The following COBL variants were observed in gnomAD, a reference collection of about 807,000 sequenced individuals.
The protein encoded by COBL is cordon-bleu WH2 repeat protein.
Under a neutral mutation model 98.8 loss-of-function variants are expected in COBL, and 51 were observed. That is an observed-to-expected ratio of 0.52 (90% confidence interval 0.41 to 0.65). The LOEUF (loss-of-function observed/expected upper bound fraction) is 0.65. Ranked by LOEUF, COBL falls within the 30% of genes least tolerant of loss-of-function variation. The pLI, the probability that COBL is intolerant of heterozygous loss-of-function variation, is 0.00. For missense variants in COBL, 1,617 were observed against 1,617.5 expected, an observed-to-expected ratio of 1.00 and a Z score of 0.01; for synonymous variants, 634 against 651.7, an observed-to-expected ratio of 0.97 and a Z score of 0.41.
At chr7:51,176,726 A>G (rs1223166603) in intron 5 of COBL, among the ~76,000 whole-genome samples, 3 of 152,236 alleles carry the variant, frequency 2.0e-5, no homozygotes, top group African/African-American at 7.2e-5. Flanking sequence ...GTTTGAATCC[A>G]AATGTCCTTT....
intron 1 of COBL, among the ~76,000 whole-genome samples, chr7:51,283,571 G>C (rs1262330506): frequency 6.6e-6 from 1 of 152,100 alleles, no homozygotes; most frequent in African/African-American, 2.4e-5. Context: ...TGCTGCCTGT[G>C]CCTCCTGGGT....
At chr7:51,246,291 G>A (rs1361894531) in intron 1 of COBL, among the ~76,000 whole-genome samples, 1 of 152,174 alleles carries the variant, frequency 6.6e-6, no homozygotes, top group Non-Finnish European at 1.5e-5. Flanking sequence ...TATCCAAGCA[G>A]GAGCTCCATC....
At chr7:51,237,584 T>C (rs1055530949) in intron 1 of COBL, among the ~76,000 whole-genome samples, 9 of 147,208 alleles carry the variant, frequency 6.1e-5, no homozygotes, top group African/African-American at 2.3e-4. Flanking sequence ...GGTGTAGTAA[T>C]ACATATGCCA....
chr7:51,278,858 G>A (rs533950397), intron 1 of COBL, among the ~76,000 whole-genome samples: 2 of 152,332 alleles, frequency 1.3e-5, no homozygotes, highest in South Asian at 2.1e-4. Flanking sequence ...TTTTCCAGAC[G>A]ATTTCAGTTT....
intron 2 of COBL, among the ~76,000 whole-genome samples, chr7:51,203,158 A>T (rs1347232938): frequency 6.6e-6 from 1 of 152,134 alleles, no homozygotes; most frequent in Non-Finnish European, 1.5e-5. Context: ...AAGGAAGTTA[A>T]TAATAAAGAT....
chr7:51,247,747 T>C (rs756255606), intron 1 of COBL, among the ~76,000 whole-genome samples: 2 of 152,128 alleles, frequency 1.3e-5, no homozygotes, highest in African/African-American at 4.8e-5. Flanking sequence ...CCTATTGAAA[T>C]TATCCTAAGG....
At chr7:51,101,799 C>G (rs1795829882) in intron 6 of COBL, among the ~76,000 whole-genome samples, 1 of 152,166 alleles carries the variant, frequency 6.6e-6, no homozygotes, top group African/African-American at 2.4e-5. Context: ...GCCTGATTTC[C>G]AAAGCATGCA....
intron 7 of COBL, chr7:51,083,089 A>T (rs1793828817): frequency 6.5e-7 from 1 of 1,529,706 alleles, no homozygotes; most frequent in Non-Finnish European, 8.7e-7. Flanking sequence ...CCTCGGAACC[A>T]GCGCCTTCCC....
chr7:51,312,142 TG>T (rs1803115713), intron 1 of COBL, among the ~76,000 whole-genome samples: 1 of 151,290 alleles, frequency 6.6e-6, no homozygotes, highest in Admixed American at 6.6e-5. Context: ...GCCAACATGG[TG>T]AAACCTCGTC....
At chr7:51,297,908 T>C (rs1335682988) in intron 1 of COBL, among the ~76,000 whole-genome samples, 1 of 152,184 alleles carries the variant, frequency 6.6e-6, no homozygotes, top group Non-Finnish European at 1.5e-5. Context: ...ATCAAGACCA[T>C]ATTGCCCTAT....
At chr7:51,051,500 T>G (rs773885248) in intron 7 of COBL, among the ~76,000 whole-genome samples, 2 of 152,246 alleles carry the variant, frequency 1.3e-5, no homozygotes, top group Non-Finnish European at 2.9e-5. Flanking sequence ...TTCTATTTCC[T>G]AACTTAACTC....
In COBL at chr7:51,208,204, G is replaced by A. The variant is rs557805498; in HGVS notation, c.245+11537C>T. 2.3e-4 allele frequency among the ~76,000 whole-genome samples: 34 copies of A among 148,082 alleles called. No homozygotes were observed. The South Asian group carries it at 3.2e-3, about 14-fold the overall frequency. On this transcript the variant is annotated intron_variant, in intron 2 of 12. Transcript: ENST00000265136. ...AGACCCTCTGCCTGGCAACCGCCCC[G>A]TCTGAGAAGTGAGGAGCCCCTCCGC...
chr7:51,094,986 G>A (rs934300942), intron 6 of COBL, among the ~76,000 whole-genome samples: 1 of 152,206 alleles, frequency 6.6e-6, no homozygotes, highest in Non-Finnish European at 1.5e-5. Context: ...TAAGCACAAA[G>A]AAAATACCTA....
intron 1 of COBL, among the ~76,000 whole-genome samples, chr7:51,231,315 G>C (rs528044652): frequency 1.1e-4 from 17 of 152,296 alleles, no homozygotes; most frequent in Non-Finnish European, 1.9e-4. Context: ...CTAAAGAGAT[G>C]ATGAATGATC....
intron 3 of COBL, among the ~76,000 whole-genome samples, chr7:51,191,841 G>A (rs183501890): frequency 6.6e-6 from 1 of 152,256 alleles, no homozygotes; most frequent in East Asian, 1.9e-4. Context: ...CTAAGACACT[G>A]TAGAGCTGGA....
At chr7:51,308,403 C>CACAG (rs897097613) in intron 1 of COBL, among the ~76,000 whole-genome samples, 5 of 152,188 alleles carry the variant, frequency 3.3e-5, no homozygotes, top group African/African-American at 4.8e-5. Context: ...CCCACTCTCA[C>CACAG]ACAGACAGAC....
At chr7:51,314,406 G>C (rs1273755576) in intron 1 of COBL, among the ~76,000 whole-genome samples, 1 of 152,186 alleles carries the variant, frequency 6.6e-6, no homozygotes, top group Non-Finnish European at 1.5e-5. Context: ...TTAATCTCAG[G>C]GAACAGAGGA....
intron 1 of COBL, among the ~76,000 whole-genome samples, chr7:51,285,581 T>C (rs1019693976): frequency 3.3e-5 from 5 of 152,188 alleles, no homozygotes; most frequent in Admixed American, 1.3e-4. Context: ...ATGGGTAAGA[T>C]TGTATGCTGA....
At chr7:51,278,018 A>G (rs1348318873) in intron 1 of COBL, among the ~76,000 whole-genome samples, 1 of 152,192 alleles carries the variant, frequency 6.6e-6, no homozygotes, top group Admixed American at 6.5e-5. Flanking sequence ...GCAGAGAGAC[A>G]CAACAAATCA....
Sources: gnomAD v4.1 joint callset for allele counts (sites outside exome capture counted in the v4.1 genomes callset) on GRCh38, gnomAD v4.1.1 for gene constraint, MANE v1.5 for transcripts, NCBI Gene and HGNC (gene_info 2026-07-23, HGNC 2026-07-21) for gene names.